SYNDIG1: variants seen among roughly 807,000 people sequenced by gnomAD.
SYNDIG1 encodes the protein synapse differentiation-inducing gene protein 1.
SYNDIG1 carries 9 observed loss-of-function variants against 19.4 expected under a neutral mutation model. The observed-to-expected ratio is 0.46, with a 90% CI of 0.28 to 0.81. The LOEUF is 0.81. SYNDIG1 is among the 30% of genes least tolerant of loss of function. SYNDIG1 has a pLI of 0.12. For missense variants in SYNDIG1, 311 were observed against 343.3 expected, an observed-to-expected ratio of 0.91 and a Z score of 0.74; for synonymous variants, 141 against 145.9, an observed-to-expected ratio of 0.97 and a Z score of 0.24.
chr20:24,522,279 T>C (rs774158481), intron 1 of SYNDIG1, among the ~76,000 whole-genome samples: 1 of 152,034 alleles, frequency 6.6e-6, no homozygotes, highest in Non-Finnish European at 1.5e-5. Context: ...TTTGTAGAGA[T>C]GGGGTCTCAT....
intron 1 of SYNDIG1, among the ~76,000 whole-genome samples, chr20:24,491,910 T>C (rs146534215): frequency 6.6e-6 from 1 of 152,272 alleles, no homozygotes; most frequent in African/African-American, 2.4e-5. Context: ...CAAGTACTCT[T>C]TGGAAACAAA....
intron 1 of SYNDIG1, among the ~76,000 whole-genome samples, chr20:24,489,865 TG>T (rs2056096935): frequency 6.6e-6 from 1 of 151,708 alleles, no homozygotes. Flanking sequence ...GCCACTGGAG[TG>T]CGTTAAGAAG....
chr20:24,658,162 G>A lies in SYNDIG1; in HGVS notation c.619-7184G>A, dbSNP rs1389274903. On this transcript the variant is annotated intron_variant, in intron 3 of 3. Coordinates refer to ENST00000376862, the MANE Select transcript of SYNDIG1 (RefSeq NM_024893.3). This position sits in a 1 kb window ranked among gnomAD's most constrained non-coding sequence, Gnocchi z 4.4. Reference sequence around the variant, plus strand: ...TCATGATTTTTCCAAAACCTCAAACGACAGTGGGTATTTTCCAGCCAAAGG... The same window carrying A: ...TCATGATTTTTCCAAAACCTCAAACAACAGTGGGTATTTTCCAGCCAAAGG... Among the ~76,000 whole-genome samples, 1 of 152,192 alleles carries A rather than the reference G, an allele frequency of 6.6e-6. No individual in the cohort carries two copies. Among genetic ancestry groups the A allele is most frequent in the Non-Finnish European group, 1.5e-5 (1 of 68,036 alleles).
At chr20:24,602,457 A>T (rs2058693299) in intron 3 of SYNDIG1, among the ~76,000 whole-genome samples, 2 of 152,154 alleles carry the variant, frequency 1.3e-5, no homozygotes, top group Admixed American at 1.3e-4. Context: ...CTTTTCTCTC[A>T]TGGCTTAGCT....
chr20:24,663,209 T>C (rs1040129429), intron 3 of SYNDIG1, among the ~76,000 whole-genome samples: 15 of 152,238 alleles, frequency 9.9e-5, no homozygotes, highest in Non-Finnish European at 1.5e-5. Context: ...GCCTGCTTGC[T>C]AAGGCTGCAT....
chr20:24,503,019 C>T (rs2056493559), intron 1 of SYNDIG1, among the ~76,000 whole-genome samples: 1 of 152,256 alleles, frequency 6.6e-6, no homozygotes, highest in African/African-American at 2.4e-5. Flanking sequence ...GCCCATCACA[C>T]TTCCAAGTTT....
At chr20:24,545,419 T>C (rs2057556601) in intron 2 of SYNDIG1, among the ~76,000 whole-genome samples, 1 of 152,136 alleles carries the variant, frequency 6.6e-6, no homozygotes, top group South Asian at 2.1e-4. Context: ...AGGGCTTTGC[T>C]GACAGCAAAG....
chr20:24,600,039 A>G (rs1468155988), intron 3 of SYNDIG1, among the ~76,000 whole-genome samples: 2 of 152,242 alleles, frequency 1.3e-5, no homozygotes, highest in African/African-American at 2.4e-5. Context: ...GGTATCTCAT[A>G]AATTTGTACA....
chr20:24,563,993 G>A (rs2057994079), intron 2 of SYNDIG1, among the ~76,000 whole-genome samples: 1 of 152,128 alleles, frequency 6.6e-6, no homozygotes, highest in Non-Finnish European at 1.5e-5. Context: ...CCTTCTCCCT[G>A]GCAGTCCTCA....
chr20:24,612,013 A>G (rs1204717958), intron 3 of SYNDIG1, among the ~76,000 whole-genome samples: 1 of 152,256 alleles, frequency 6.6e-6, no homozygotes, highest in East Asian at 1.9e-4. Context: ...ACAGGGACAC[A>G]GCCACTTAAT....
chr20:24,478,405 A>G (rs1430325776), intron 1 of SYNDIG1, among the ~76,000 whole-genome samples: 1 of 152,220 alleles, frequency 6.6e-6, no homozygotes, highest in East Asian at 1.9e-4. Flanking sequence ...TGGTGGAATG[A>G]AGAGACCCAG....
chr20:24,541,446 A>G (rs994537559), intron 1 of SYNDIG1, among the ~76,000 whole-genome samples: 30 of 152,360 alleles, frequency 2.0e-4, no homozygotes, highest in Admixed American at 8.5e-4. Flanking sequence ...GAGATTAAGA[A>G]CTAGGGACTC....
chr20:24,665,580 G>A lies in SYNDIG1; in HGVS notation c.*76G>A. 1 of 1,580,818 alleles carries A rather than the reference G, an allele frequency of 6.3e-7. No homozygotes were observed. Among genetic ancestry groups the A allele is most frequent in the South Asian group, 1.2e-5 (1 of 86,254 alleles). ...GGAGGAAGCAGGCATACCGCATGAT[G>A]CTGTACAGTACAAATGATTGCCAAA... is the stretch of plus-strand genomic sequence containing the variant. On this transcript the variant is annotated 3_prime_UTR_variant, in exon 4 of 4. Transcript: ENST00000376862.
chr20:24,617,440 T>G (rs1476686111), intron 3 of SYNDIG1, among the ~76,000 whole-genome samples: 4 of 152,160 alleles, frequency 2.6e-5, no homozygotes, highest in African/African-American at 9.7e-5. Flanking sequence ...TTCCTCACAG[T>G]CACAGCTGCA....
intron 3 of SYNDIG1, among the ~76,000 whole-genome samples, chr20:24,639,272 A>C (rs532766065): frequency 6.6e-6 from 1 of 152,284 alleles, no homozygotes; most frequent in African/African-American, 2.4e-5. Flanking sequence ...CAGAGGCATG[A>C]ACCAGGTGCA....
chr20:24,534,781 T>C (rs1207178144), intron 1 of SYNDIG1, among the ~76,000 whole-genome samples: 1 of 152,216 alleles, frequency 6.6e-6, no homozygotes, highest in Non-Finnish European at 1.5e-5. Flanking sequence ...ACCCATTAAG[T>C]GCCTGTCAGG....
intron 1 of SYNDIG1, among the ~76,000 whole-genome samples, chr20:24,470,194 C>G (rs1210908770): frequency 2.0e-5 from 3 of 152,198 alleles, no homozygotes; most frequent in Non-Finnish European, 4.4e-5. Context: ...CGGGTTCGGG[C>G]TGCCCCTCGG....
At chr20:24,562,449 C>A (rs1410373803) in intron 2 of SYNDIG1, among the ~76,000 whole-genome samples, 1 of 152,102 alleles carries the variant, frequency 6.6e-6, no homozygotes, top group African/African-American at 2.4e-5. Context: ...TATAATAACT[C>A]ATTTAAATGT....
intron 2 of SYNDIG1, among the ~76,000 whole-genome samples, chr20:24,552,258 C>A (rs1568634724): frequency 6.6e-6 from 1 of 152,042 alleles, no homozygotes; most frequent in Admixed American, 6.6e-5. Flanking sequence ...CTGCTCCACA[C>A]ACAGAAAGCC....
Sources: allele counts gnomAD v4.1 joint callset (sites outside exome capture counted in the v4.1 genomes callset), GRCh38; gene constraint gnomAD v4.1.1; non-coding constraint Gnocchi (gnomAD v3.1); transcripts MANE v1.5; gene names NCBI Gene and HGNC (gene_info 2026-07-23, HGNC 2026-07-21).